The following HS6ST3 variants were observed in gnomAD, a reference collection of about 807,000 sequenced individuals.
HS6ST3 encodes the protein heparan sulfate 6-O-sulfotransferase 3.
Under a neutral mutation model 36.7 loss-of-function variants are expected in HS6ST3, and 12 were observed. The ratio of observed to expected loss-of-function variants is 0.33; its 90% confidence interval spans 0.21 to 0.53. The LOEUF (loss-of-function observed/expected upper bound fraction) is 0.53. Ranked by LOEUF, HS6ST3 falls within the 20% of genes least tolerant of loss-of-function variation. The pLI is 0.95. For synonymous variants in HS6ST3, 240 were observed against 257.5 expected (o/e 0.93, Z 0.65); for missense variants, 584 against 640.9 (o/e 0.91, Z 0.96).
At chr13:96,595,639 T>A (rs895239858) in intron 1 of HS6ST3, among the ~76,000 whole-genome samples, 1 of 152,134 alleles carries the variant, frequency 6.6e-6, no homozygotes, top group Admixed American at 6.5e-5. Flanking sequence ...CCTTTATCTT[T>A]CTATTCTCCC....
intron 1 of HS6ST3, among the ~76,000 whole-genome samples, chr13:96,226,442 C>T (rs756196209): frequency 6.6e-6 from 1 of 152,170 alleles, no homozygotes; most frequent in Non-Finnish European, 1.5e-5. Flanking sequence ...ATTGCTTGAA[C>T]TTGGGAGGCG....
intron 1 of HS6ST3, among the ~76,000 whole-genome samples, chr13:96,105,085 A>G (rs1267496328): frequency 3.3e-5 from 5 of 151,914 alleles, no homozygotes; most frequent in South Asian, 2.1e-4. Context: ...AAAAAAGAAA[A>G]AGAAAGAAGA....
intron 1 of HS6ST3, among the ~76,000 whole-genome samples, chr13:96,540,897 G>A (rs912098158): frequency 6.6e-6 from 1 of 152,114 alleles, no homozygotes; most frequent in Non-Finnish European, 1.5e-5. Flanking sequence ...TGTAGAGTCA[G>A]AGTGACCTCA....
At chr13:96,441,134 C>T (rs147851120) in intron 1 of HS6ST3, among the ~76,000 whole-genome samples, 55 of 152,268 alleles carry the variant, frequency 3.6e-4, no homozygotes, top group African/African-American at 1.3e-3. Flanking sequence ...AGAGGGCCTT[C>T]ACCAAGCACC....
chr13:96,278,062 C>T (rs1279749912), intron 1 of HS6ST3, among the ~76,000 whole-genome samples: 1 of 152,180 alleles, frequency 6.6e-6, no homozygotes, highest in African/African-American at 2.4e-5. Context: ...GCTGACATGG[C>T]TAACCTGTCT....
intron 1 of HS6ST3, among the ~76,000 whole-genome samples, chr13:96,780,373 G>C (rs999412225): frequency 3.3e-5 from 5 of 152,152 alleles, no homozygotes; most frequent in African/African-American, 1.2e-4. Context: ...ATAAATAGGA[G>C]GCAAGGAGCT....
At chr13:96,538,815 A>G (rs908889135) in intron 1 of HS6ST3, among the ~76,000 whole-genome samples, 2 of 152,212 alleles carry the variant, frequency 1.3e-5, no homozygotes, top group Non-Finnish European at 2.9e-5. Flanking sequence ...GAAAAATCTT[A>G]TCTAAAAATA....
chr13:96,293,434 T>C (rs1197036512), intron 1 of HS6ST3, among the ~76,000 whole-genome samples: 1 of 152,102 alleles, frequency 6.6e-6, no homozygotes, highest in Admixed American at 6.6e-5. Flanking sequence ...TTAGATGAAC[T>C]GACTTCTAGT....
intron 1 of HS6ST3, among the ~76,000 whole-genome samples, chr13:96,617,258 A>T (rs72642799): frequency 5.9e-5 from 9 of 152,188 alleles, no homozygotes; most frequent in Non-Finnish European, 2.9e-5. Context: ...ATGACATTTC[A>T]TTCCTTTAGT....
intron 1 of HS6ST3, among the ~76,000 whole-genome samples, chr13:96,729,249 C>G (rs758456815): frequency 2.6e-5 from 4 of 152,080 alleles, no homozygotes; most frequent in Non-Finnish European, 5.9e-5. Flanking sequence ...CCTCTGCACT[C>G]TAAGCACAGA....
intron 1 of HS6ST3, among the ~76,000 whole-genome samples, chr13:96,274,683 C>T (rs930014544): frequency 1.3e-5 from 2 of 152,066 alleles, no homozygotes; most frequent in Non-Finnish European, 2.9e-5. Flanking sequence ...CTAACTGACC[C>T]ACCTGAGCAT....
intron 1 of HS6ST3, among the ~76,000 whole-genome samples, chr13:96,247,520 C>T (rs1269332436): frequency 6.6e-6 from 1 of 152,144 alleles, no homozygotes; most frequent in East Asian, 1.9e-4. Flanking sequence ...CCCTTGCTTC[C>T]TCTTTGCCTT....
At chr13:96,256,640 T>C (rs921320831) in intron 1 of HS6ST3, among the ~76,000 whole-genome samples, 2 of 152,182 alleles carry the variant, frequency 1.3e-5, no homozygotes, top group African/African-American at 4.8e-5. Flanking sequence ...TATTTTTTAT[T>C]TGTTAGATTT....
chr13:96,109,900 A>G (rs762035018), intron 1 of HS6ST3, among the ~76,000 whole-genome samples: 2 of 152,204 alleles, frequency 1.3e-5, no homozygotes, highest in Non-Finnish European at 2.9e-5. Context: ...GGAAATAAAA[A>G]GGTGAATCAG....
rs547036056 is a variant in HS6ST3, at chr13:96,204,876, C to A, written c.707+113307C>A. Among the ~76,000 whole-genome samples, 14 of 152,062 alleles carry A rather than the reference C, an allele frequency of 9.2e-5. No homozygotes were observed. The East Asian group carries it at 2.7e-3, about 29-fold the overall frequency. On this transcript the variant is annotated intron_variant, in intron 1 of 1. Transcript: ENST00000376705. ...AGAGAAATTTATAGCATTGAATGCC[C>A]ACATCAAAAAGCTAGAAAGATCTTA... is the stretch of plus-strand genomic sequence containing the variant.
intron 1 of HS6ST3, among the ~76,000 whole-genome samples, chr13:96,193,286 C>T (rs148476709): frequency 1.6e-3 from 242 of 152,240 alleles, no homozygotes; most frequent in African/African-American, 5.5e-3. Flanking sequence ...CAAAGCCGAA[C>T]GAAATAGGAA....
At chr13:96,764,328 G>C (rs1168394362) in intron 1 of HS6ST3, among the ~76,000 whole-genome samples, 1 of 151,858 alleles carries the variant, frequency 6.6e-6, no homozygotes, top group Non-Finnish European at 1.5e-5. Flanking sequence ...GATGGAAAAG[G>C]AAAAAAAGGG....
intron 1 of HS6ST3, among the ~76,000 whole-genome samples, chr13:96,598,591 T>C (rs927045211): frequency 1.3e-5 from 2 of 152,062 alleles, no homozygotes; most frequent in African/African-American, 4.8e-5. Context: ...TCTTTAGGTT[T>C]TTCTAGGTAT....
At chr13:96,607,150 T>C (rs2056441982) in intron 1 of HS6ST3, among the ~76,000 whole-genome samples, 1 of 152,168 alleles carries the variant, frequency 6.6e-6, no homozygotes, top group Admixed American at 6.5e-5. Context: ...ATCAAAACAT[T>C]GTGATAAAGT....
Sources: allele counts gnomAD v4.1 joint callset (sites outside exome capture counted in the v4.1 genomes callset), GRCh38; gene constraint gnomAD v4.1.1; transcripts MANE v1.5; gene names NCBI Gene and HGNC (gene_info 2026-07-23, HGNC 2026-07-21).